PHTF2: variants seen among roughly 807,000 people sequenced by gnomAD.
PHTF2 encodes protein PHTF2.
Under a neutral mutation model 101.2 loss-of-function variants are expected in PHTF2, and 60 were observed. That is an observed-to-expected ratio of 0.59 (90% CI 0.48 to 0.73). PHTF2 has a LOEUF of 0.73. Among genes scored for constraint, PHTF2 ranks in the 30% least tolerant of loss-of-function variants. The pLI is 0.00. For synonymous variants in PHTF2, 311 were observed against 307.3 expected (o/e 1.01, Z -0.13); for missense variants, 747 against 908.7 (o/e 0.82, Z 2.29).
intron 1 of PHTF2, among the ~76,000 whole-genome samples, chr7:77,828,378 G>A (rs898459706): frequency 6.6e-6 from 1 of 152,214 alleles, no homozygotes; most frequent in Non-Finnish European, 1.5e-5. Flanking sequence ...TAATTCATCT[G>A]TGGTGGTACT....
rs1795773340 is a variant in PHTF2, at chr7:77,840,329, TC to T, written c.45+30del. The T allele has an allele frequency of 2.1e-6, 3 of 1,458,808 alleles. No individual in the cohort carries two copies. The African/African-American group carries it at 4.2e-5, about 20-fold the overall frequency. The allele number at this position is 1,458,808 out of a possible 1,614,324, so 90.4% of individuals were successfully genotyped here. ...AGTTGATAGTCAAAACTTTTAGCTT[TC>T]TAAATGTTTGAATTTCAAAAATACA... On this transcript the variant is annotated intron_variant, in intron 2 of 19. Transcript: ENST00000416283.
intron 1 of PHTF2, among the ~76,000 whole-genome samples, chr7:77,823,196 G>A (rs533912889): frequency 1.5e-4 from 22 of 150,106 alleles, no homozygotes; most frequent in African/African-American, 4.4e-4. Flanking sequence ...GAGCCACCGC[G>A]CCCGGCCAAA....
chr7:77,815,230 G>A (rs1030060677), intron 1 of PHTF2, among the ~76,000 whole-genome samples: 2 of 152,154 alleles, frequency 1.3e-5, no homozygotes, highest in Non-Finnish European at 2.9e-5. Context: ...CTGGGAACAT[G>A]CGTGTTGGGA....
At chr7:77,902,036 T>A (rs1801440451) in intron 7 of PHTF2, 116 bp downstream of exon 6, 3 of 444,480 alleles carry the variant, frequency 6.7e-6, no homozygotes. Context: ...AGTATGTTAA[T>A]AAAGGCACAT....
chr7:77,833,550 C>G (rs1162517912), intron 1 of PHTF2, among the ~76,000 whole-genome samples: 1 of 152,164 alleles, frequency 6.6e-6, no homozygotes, highest in African/African-American at 2.4e-5. Flanking sequence ...TTGCTGAAGA[C>G]AGCAGTTCAA....
At chr7:77,827,161 T>C (rs1010808598) in intron 1 of PHTF2, among the ~76,000 whole-genome samples, 1 of 152,204 alleles carries the variant, frequency 6.6e-6, no homozygotes, top group African/African-American at 2.4e-5. Flanking sequence ...GTGGATTTAT[T>C]AAAGAATGAT....
At chr7:77,922,550 A>G in intron 10 of PHTF2, 73 bp from the exon 10 acceptor site, 1 of 1,285,680 alleles carries the variant, frequency 7.8e-7, no homozygotes, top group South Asian at 1.6e-5. Context: ...GTGTAATTTC[A>G]AATTTCATAG....
intron 3 of PHTF2, among the ~76,000 whole-genome samples, chr7:77,873,640 G>A (rs141664907): frequency 0.013 from 1,940 of 152,262 alleles, 20 homozygotes; most frequent in Non-Finnish European, 0.017. Flanking sequence ...TGGAAAGGCT[G>A]ATGGCAGCAT....
chr7:77,894,743 G>C (rs1409572499), intron 5 of PHTF2, among the ~76,000 whole-genome samples: 1 of 152,132 alleles, frequency 6.6e-6, no homozygotes, highest in Non-Finnish European at 1.5e-5. Flanking sequence ...AGACAAGCCT[G>C]GGGAGGTTGG....
At chr7:77,857,301 C>T (rs1032771269) in intron 3 of PHTF2, among the ~76,000 whole-genome samples, 8 of 152,024 alleles carry the variant, frequency 5.3e-5, no homozygotes, top group South Asian at 2.1e-4. Flanking sequence ...ATGAGATAGC[C>T]CCAGAGGTCA....
At chr7:77,886,332 A>G (rs866261042) in intron 3 of PHTF2, among the ~76,000 whole-genome samples, 1 of 152,170 alleles carries the variant, frequency 6.6e-6, no homozygotes, top group Non-Finnish European at 1.5e-5. Context: ...AGGTTTTAAC[A>G]TTTGTATTTT....
chr7:77,888,871 AT>A (rs1211344454), intron 3 of PHTF2, among the ~76,000 whole-genome samples: 1 of 152,088 alleles, frequency 6.6e-6, no homozygotes, highest in Non-Finnish European at 1.5e-5. Context: ...AAAAAAAAAA[AT>A]AAGAGGGATA....
intron 2 of PHTF2, among the ~76,000 whole-genome samples, chr7:77,854,398 G>C (rs938642214): frequency 2.0e-5 from 3 of 152,130 alleles, no homozygotes; most frequent in African/African-American, 7.2e-5. Flanking sequence ...GGTTAGACCT[G>C]AAGCCAATAT....
intron 9 of PHTF2, among the ~76,000 whole-genome samples, chr7:77,916,956 A>C (rs1022921349): frequency 6.6e-6 from 1 of 152,126 alleles, no homozygotes; most frequent in Non-Finnish European, 1.5e-5. Flanking sequence ...TGACCCACTT[A>C]TTATCCTGCT....
intron 11 of PHTF2, chr7:77,923,330 G>A (rs1416007430): frequency 1.7e-5 from 16 of 949,780 alleles, no homozygotes; most frequent in Non-Finnish European, 2.0e-5. Context: ...TCTAATCTAA[G>A]GGTAGAACAT....
chr7:77,891,761 A>G (rs1800435427), intron 3 of PHTF2, among the ~76,000 whole-genome samples: 1 of 151,590 alleles, frequency 6.6e-6, no homozygotes. Flanking sequence ...TAATTTTTTA[A>G]TTTTTTGTAG....
chr7:77,948,565 A>G (rs1412133930), intron 16 of PHTF2, among the ~76,000 whole-genome samples: 3 of 152,246 alleles, frequency 2.0e-5, no homozygotes, highest in African/African-American at 4.8e-5. Context: ...TAGTCACATT[A>G]TAGAACTAAG....
chr7:77,826,492 C>A (rs927907491), intron 1 of PHTF2, among the ~76,000 whole-genome samples: 1 of 152,132 alleles, frequency 6.6e-6, no homozygotes, highest in South Asian at 2.1e-4. Context: ...TCTATGAACA[C>A]ACCTGGTTTC....
At chr7:77,940,441 A>G in intron 14 of PHTF2, 87 bp from the exon 14 acceptor site, 4 of 1,333,444 alleles carry the variant, frequency 3.0e-6, no homozygotes, top group Non-Finnish European at 4.1e-6. Flanking sequence ...ACCTAACCAA[A>G]TAAAATCTTA....
Sources: allele counts gnomAD v4.1 joint callset (sites outside exome capture counted in the v4.1 genomes callset), GRCh38; gene constraint gnomAD v4.1.1; transcripts MANE v1.5; gene names NCBI Gene and HGNC (gene_info 2026-07-23, HGNC 2026-07-21).